The following SPATA6 variants were observed in gnomAD, a reference collection of about 807,000 sequenced individuals.
SPATA6 encodes the protein spermatogenesis-associated protein 6.
Under a neutral mutation model 65.3 loss-of-function variants are expected in SPATA6, and 56 were observed. That is an observed-to-expected ratio of 0.86 (90% confidence interval 0.69 to 1.07). The LOEUF (loss-of-function observed/expected upper bound fraction) is 1.07. Among genes scored for constraint, SPATA6 ranks in the 50% least tolerant of loss-of-function variants. The pLI, the probability that SPATA6 is intolerant of heterozygous loss-of-function variation, is 0.00. For missense variants in SPATA6, 590 were observed against 594.8 expected (o/e 0.99, Z 0.08); for synonymous variants, 199 against 213.2 (o/e 0.93, Z 0.58).
the SPATA6 span, among the ~76,000 whole-genome samples, chr1:48,275,343 C>A: frequency 1.3e-5 from 2 of 152,140 alleles, no homozygotes; most frequent in Non-Finnish European, 2.9e-5. Flanking sequence ...CTTTCTCTTG[C>A]CTGATTGCCC....
At chr1:48,327,982 A>C (rs920815188) in intron 11 of SPATA6, among the ~76,000 whole-genome samples, 12 of 152,186 alleles carry the variant, frequency 7.9e-5, no homozygotes, top group African/African-American at 2.9e-4. Flanking sequence ...AAATTTTAAA[A>C]AGTTTTTTAA....
intron 11 of SPATA6, chr1:48,325,582 G>A: frequency 2.2e-6 from 2 of 924,570 alleles, no homozygotes; most frequent in Non-Finnish European, 3.6e-6. Context: ...CCTCCTCAAT[G>A]GTAAAGGTGG....
intron 11 of SPATA6, among the ~76,000 whole-genome samples, chr1:48,329,700 T>A (rs942504847): frequency 2.0e-5 from 3 of 152,072 alleles, no homozygotes; most frequent in Non-Finnish European, 4.4e-5. Flanking sequence ...AGAAACCACG[T>A]TGGAATCCAT....
At chr1:48,392,555 A>G (rs1323312456) in intron 8 of SPATA6, among the ~76,000 whole-genome samples, 1 of 152,116 alleles carries the variant, frequency 6.6e-6, no homozygotes, top group Admixed American at 6.6e-5. Flanking sequence ...TGAGACTGGT[A>G]GAAAAGAAGG....
the SPATA6 span, among the ~76,000 whole-genome samples, chr1:48,279,849 A>G: frequency 0.02 from 2,992 of 152,292 alleles, 122 homozygotes; most frequent in East Asian, 0.2. Flanking sequence ...ACATCTAAAG[A>G]ACTCTCCACC....
rs1570673805 is a variant in SPATA6, at chr1:48,472,068, A to C, written c.-60T>G. 1.3e-5 allele frequency: 13 copies of C among 1,031,738 alleles called. No individual in the cohort carries two copies. Among genetic ancestry groups the C allele is most frequent in the Non-Finnish European group, 1.3e-5 (10 of 765,282 alleles). The allele number at this position is 1,031,738 out of a possible 1,614,324, so 63.9% of individuals were successfully genotyped here. Reference sequence around the variant, plus strand: ...CCACGGGCCCGAGTGAGGCGGGGAGACCTGGGGCTGGGCGGGGACGGGGAG... The same window carrying C: ...CCACGGGCCCGAGTGAGGCGGGGAGCCCTGGGGCTGGGCGGGGACGGGGAG... On this transcript the variant is annotated 5_prime_UTR_variant, in exon 1 of 13. Transcript: ENST00000371847.
Position 48,305,886 on chromosome 1 carries a change from A to AT in SPATA6, c.1195-9dup. The AT allele has an allele frequency of 1.2e-6, 2 of 1,605,350 alleles. No homozygotes were observed. The highest frequency in any genetic ancestry group is 1.7e-5 in the Admixed American group (1 of 59,302). On this transcript the variant is annotated splice_polypyrimidine_tract_variant and intron_variant, in intron 11 of 12. Coordinates refer to ENST00000371847, the MANE Select transcript of SPATA6 (RefSeq NM_019073.4). ...CTCTAGGTCTCTCTCATCCTGAAAA[A>AT]TTTTAAAGATTTCCATTAACTCACT...
At chr1:48,376,254 T>C (rs1332789525) in intron 9 of SPATA6, among the ~76,000 whole-genome samples, 1 of 152,154 alleles carries the variant, frequency 6.6e-6, no homozygotes, top group African/African-American at 2.4e-5. Context: ...GTCATGTGGT[T>C]GAGTTTTAAG....
intron 12 of SPATA6, among the ~76,000 whole-genome samples, chr1:48,299,734 T>C (rs1016599880): frequency 1.3e-5 from 2 of 152,068 alleles, no homozygotes; most frequent in Non-Finnish European, 2.9e-5. Context: ...TTTATATCTA[T>C]TTATGAATAC....
intron 11 of SPATA6, among the ~76,000 whole-genome samples, chr1:48,311,170 G>C (rs1459562672): frequency 6.6e-6 from 1 of 151,944 alleles, no homozygotes; most frequent in Non-Finnish European, 1.5e-5. Flanking sequence ...ACTAGAAAAA[G>C]AACATCAAAC....
the SPATA6 span, among the ~76,000 whole-genome samples, chr1:48,283,691 A>AGAAG: frequency 7.1e-6 from 1 of 140,338 alleles, no homozygotes; most frequent in African/African-American, 2.8e-5. Context: ...AAAAAAAAAA[A>AGAAG]AAAAAAAAAG....
intron 5 of SPATA6, among the ~76,000 whole-genome samples, chr1:48,407,606 C>T (rs1651825441): frequency 6.6e-6 from 1 of 152,082 alleles, no homozygotes; most frequent in African/African-American, 2.4e-5. Flanking sequence ...TAAGAGCATC[C>T]CAGGCAAGAA....
At position 48,413,044 on chromosome 1, in the gene SPATA6, A is replaced by T. The variant is rs1344348525; in HGVS notation, c.280+66T>A. On this transcript the variant is annotated intron_variant, in intron 4 of 12. Transcript: ENST00000371847. ...AAATAATATAGTATAATCAATATAT[A>T]ATATATTATATATTACATCAATTTA... 1.1e-5 allele frequency: 5 copies of T among 455,774 alleles called. No individual in the cohort carries two copies. The East Asian group carries it at 1.6e-4, about 14-fold the overall frequency. The allele number at this position is 455,774 out of a possible 1,614,324, so 28.2% of individuals were successfully genotyped here.
At chr1:48,407,441 T>C (rs1346968136) in intron 5 of SPATA6, among the ~76,000 whole-genome samples, 1 of 152,156 alleles carries the variant, frequency 6.6e-6, no homozygotes, top group Non-Finnish European at 1.5e-5. Context: ...GGTTTCTTCA[T>C]CTGCTCCAAC....
chr1:48,442,155 A>G (rs1433361008), intron 3 of SPATA6, among the ~76,000 whole-genome samples: 1 of 152,232 alleles, frequency 6.6e-6, no homozygotes, highest in Non-Finnish European at 1.5e-5. Flanking sequence ...AGGTTATGCC[A>G]TAGTTAGTGA....
the SPATA6 span, among the ~76,000 whole-genome samples, chr1:48,273,027 A>G: frequency 6.6e-6 from 1 of 152,122 alleles, no homozygotes; most frequent in Non-Finnish European, 1.5e-5. Flanking sequence ...CCCTTATTGA[A>G]TATACGGTTT....
intron 9 of SPATA6, among the ~76,000 whole-genome samples, chr1:48,367,006 C>T (rs913321727): frequency 3.3e-5 from 5 of 152,206 alleles, no homozygotes; most frequent in African/African-American, 7.2e-5. Flanking sequence ...TCTTTGTTCT[C>T]GTTGGTTTCA....
intron 1 of SPATA6, among the ~76,000 whole-genome samples, chr1:48,456,491 T>C (rs746303995): frequency 6.6e-6 from 1 of 151,498 alleles, no homozygotes; most frequent in Non-Finnish European, 1.5e-5. Flanking sequence ...GCACAGCCTA[T>C]ACATGGGGGA....
intron 10 of SPATA6, among the ~76,000 whole-genome samples, chr1:48,356,127 C>G (rs1438029508): frequency 6.6e-6 from 1 of 152,002 alleles, no homozygotes; most frequent in Non-Finnish European, 1.5e-5. Context: ...ACAAAAATAT[C>G]TACAATTTAA....
Sources: allele counts gnomAD v4.1 joint callset (sites outside exome capture counted in the v4.1 genomes callset), GRCh38; gene constraint gnomAD v4.1.1; transcripts MANE v1.5; gene names NCBI Gene and HGNC (gene_info 2026-07-23, HGNC 2026-07-21).